Variants in RP1 observed in about 807,000 individuals in gnomAD.
RP1 encodes oxygen-regulated protein 1.
RP1 carries 16 observed loss-of-function variants against 14.8 expected under a neutral mutation model. The observed-to-expected ratio is 1.08, with a 90% CI of 0.73 to 1.65. The LOEUF is 1.65. Among genes scored for constraint, RP1 ranks in the 40% most tolerant of loss-of-function variants. The pLI, the probability that RP1 is intolerant of heterozygous loss-of-function variation, is 0.00. For missense variants in RP1, 2,631 were observed against 2,535.0 expected, an observed-to-expected ratio of 1.04 and a Z score of -0.81; for synonymous variants, 876 against 883.6, an observed-to-expected ratio of 0.99 and a Z score of 0.15.
At chr8:54,768,949 T>G (rs1585675906) in intron 22 of RP1, among the ~76,000 whole-genome samples, 1 of 150,500 alleles carries the variant, frequency 6.6e-6, no homozygotes, top group Non-Finnish European at 1.5e-5. Flanking sequence ...CAGGCTGGAG[T>G]GCAGTGGCAC....
intron 12 of RP1, chr8:54,679,943 T>C: frequency 6.5e-7 from 1 of 1,535,722 alleles, no homozygotes; most frequent in South Asian, 1.2e-5. Context: ...GGTAAAACTA[T>C]CGTACAAAGC....
chr8:54,776,012 G>T (rs1810028104), intron 23 of RP1, among the ~76,000 whole-genome samples: 1 of 151,968 alleles, frequency 6.6e-6, no homozygotes, highest in African/African-American at 2.4e-5. Context: ...AGATTGAAAA[G>T]TTCCAGAAAA....
intron 3 of RP1, among the ~76,000 whole-genome samples, chr8:54,641,263 A>G (rs909677562): frequency 3.3e-5 from 5 of 151,996 alleles, no homozygotes; most frequent in African/African-American, 1.2e-4. Context: ...CCTTATAGAC[A>G]CCATTGTAAT....
chr8:54,605,484 G>A (rs1231139311), intron 1 of RP1, among the ~76,000 whole-genome samples: 2 of 152,100 alleles, frequency 1.3e-5, no homozygotes, highest in East Asian at 3.8e-4. Flanking sequence ...TGGAATAGGT[G>A]TAGTGTGGTG....
chr8:54,685,836 G>A (rs1307735513), intron 12 of RP1, among the ~76,000 whole-genome samples: 2 of 152,114 alleles, frequency 1.3e-5, no homozygotes, highest in African/African-American at 4.8e-5. Context: ...TCTAAGGTCT[G>A]CATCTTCTAT....
At chr8:54,688,775 A>T (rs936603269) in intron 12 of RP1, among the ~76,000 whole-genome samples, 7 of 152,200 alleles carry the variant, frequency 4.6e-5, no homozygotes, top group Non-Finnish European at 8.8e-5. Flanking sequence ...CTTTTGGCTT[A>T]GGATTGTCTT....
intron 25 of RP1, among the ~76,000 whole-genome samples, chr8:54,844,269 A>T (rs528838058): frequency 4.5e-4 from 68 of 152,314 alleles, no homozygotes; most frequent in Middle Eastern, 6.8e-3. Context: ...TATTTAGCTC[A>T]ATTTATTTAT....
intron 1 of RP1, among the ~76,000 whole-genome samples, chr8:54,572,610 A>G (rs1440553722): frequency 3.0e-4 from 46 of 152,358 alleles, no homozygotes; most frequent in Non-Finnish European, 1.5e-5. Flanking sequence ...CAAGTATGAA[A>G]AGAAATTAAA....
rs537126470 is a variant in RP1, at chr8:54,868,864, T to C, written c.4152-979T>C. On this transcript the variant is annotated intron_variant, in intron 28 of 28. Transcript: ENST00000637698. ...CTCCGAGAAGGAGGTTATTTATAAC[T>C]TTATTTGTGGAGTTTCAAAATAACC... 1.9e-4 allele frequency among the ~76,000 whole-genome samples: 29 copies of C among 152,280 alleles called. No homozygotes were observed. The South Asian group carries it at 3.9e-3, about 21-fold the overall frequency.
intron 1 of RP1, among the ~76,000 whole-genome samples, chr8:54,598,111 G>T (rs1050567120): frequency 2.0e-5 from 3 of 151,946 alleles, no homozygotes; most frequent in Admixed American, 2.0e-4. Flanking sequence ...AAATCATATA[G>T]CATATGAGTT....
chr8:54,808,411 C>A (rs761323126), intron 24 of RP1, among the ~76,000 whole-genome samples: 4 of 152,208 alleles, frequency 2.6e-5, no homozygotes, highest in Non-Finnish European at 4.4e-5. Context: ...GACATCTTTG[C>A]ATTCCCTGAC....
chr8:54,630,342 G>A lies in RP1; in HGVS notation c.6460G>A (p.Glu2154Lys). 1 of 1,613,592 alleles carries A rather than the reference G, an allele frequency of 6.2e-7. No individual in the cohort carries two copies. The highest frequency in any genetic ancestry group is 8.5e-7 in the Non-Finnish European group (1 of 1,179,752). Residue 2154 changes from glutamate to lysine, a missense_variant, in exon 4 of 4, where the codon GAA (glutamate) becomes AAA (lysine). Coordinates refer to ENST00000220676, the MANE Select transcript of RP1 (RefSeq NM_006269.2). The part of the protein sequence containing the change: ...LTDLESSREQ[E>K]DL ...TGATCTTGAAAGCAGTAGAGAACAAGAAGATTTATAATTTCAATATCAGCA... is the reference window on the plus strand; with the variant it reads ...TGATCTTGAAAGCAGTAGAGAACAAAAAGATTTATAATTTCAATATCAGCA...
chr8:54,596,961 C>T (rs750178951), intron 1 of RP1, among the ~76,000 whole-genome samples: 40 of 152,190 alleles, frequency 2.6e-4, no homozygotes, highest in East Asian at 3.9e-4. Flanking sequence ...GCTACCTTAC[C>T]GGTTTCTGTC....
chr8:54,870,194 C>T (rs1585763196), exon 29 of RP1: 1 of 329,678 alleles, frequency 3.0e-6, no homozygotes, highest in South Asian at 1.6e-4. Flanking sequence ...TCCCCCTCCT[C>T]TTCCTTCACC....
At chr8:54,589,448 A>G (rs1399067381) in intron 1 of RP1, among the ~76,000 whole-genome samples, 3 of 152,120 alleles carry the variant, frequency 2.0e-5, no homozygotes, top group Non-Finnish European at 2.9e-5. Context: ...GGATTTTCCA[A>G]TTTTTCAGAG....
chr8:54,582,151 C>A (rs1178501997), intron 1 of RP1, among the ~76,000 whole-genome samples: 1 of 152,140 alleles, frequency 6.6e-6, no homozygotes, highest in Non-Finnish European at 1.5e-5. Flanking sequence ...ACATTTACGT[C>A]TTTAATCCAT....
intron 19 of RP1, among the ~76,000 whole-genome samples, chr8:54,753,732 T>A (rs1433595629): frequency 1.3e-5 from 2 of 152,048 alleles, no homozygotes; most frequent in African/African-American, 4.8e-5. Flanking sequence ...TAGGAAGGAC[T>A]GTTGAAAAAA....
intron 18 of RP1, among the ~76,000 whole-genome samples, chr8:54,737,464 A>G (rs1233930055): frequency 1.3e-5 from 2 of 152,234 alleles, no homozygotes; most frequent in East Asian, 3.8e-4. Flanking sequence ...GGACAATGAA[A>G]GGATATTTAA....
chr8:54,631,084 A>C (rs1806238709), downstream of RP1, among the ~76,000 whole-genome samples: 1 of 152,214 alleles, frequency 6.6e-6, no homozygotes, highest in Non-Finnish European at 1.5e-5. Context: ...CAACTAACTC[A>C]AATTAGAATG....
Sources: allele counts gnomAD v4.1 joint callset (sites outside exome capture counted in the v4.1 genomes callset), GRCh38; gene constraint gnomAD v4.1.1; transcripts MANE v1.5; gene names NCBI Gene and HGNC (gene_info 2026-07-23, HGNC 2026-07-21).